Variants in ADGRL3 observed in about 807,000 individuals in gnomAD.
ADGRL3 encodes adhesion G protein-coupled receptor L3.
A neutral mutation model predicts 153.5 loss-of-function variants in ADGRL3; 62 were observed. The ratio of observed to expected loss-of-function variants is 0.40; its 90% CI spans 0.33 to 0.50. The LOEUF (loss-of-function observed/expected upper bound fraction) is 0.50. Ranked by LOEUF, ADGRL3 falls within the 20% of genes least tolerant of loss-of-function variation. The pLI, the probability that ADGRL3 is intolerant of heterozygous loss-of-function variation, is 0.47. For missense variants in ADGRL3, 1,641 were observed against 1,859.4 expected, an observed-to-expected ratio of 0.88 and a Z score of 2.16; for synonymous variants, 710 against 672.5, an observed-to-expected ratio of 1.06 and a Z score of -0.86.
intron 8 of ADGRL3, among the ~76,000 whole-genome samples, chr4:61,757,577 G>T (rs201543967): frequency 6.6e-6 from 1 of 152,054 alleles, no homozygotes; most frequent in African/African-American, 2.4e-5. Flanking sequence ...CCAGCTCCTG[G>T]ATTCATTGAT....
rs192004999 is a variant in ADGRL3 at position 61,346,057 on chromosome 4, T to C, written c.-239-37067T>C. On this transcript the variant is annotated intron_variant, in intron 1 of 26. Transcript: ENST00000683033. ...GCTCCTGCGCTCACGGCATGTATAA[T>C]TAATAGCTGAAATAGATATAAACAA... Among the ~76,000 whole-genome samples, 31 of 152,204 alleles carry C rather than the reference T, an allele frequency of 2.0e-4. No homozygotes were observed. In the East Asian group the frequency reaches 4.6e-3, roughly 23 times the overall value.
At chr4:61,737,205 G>C (rs2096529274) in intron 8 of ADGRL3, among the ~76,000 whole-genome samples, 1 of 151,968 alleles carries the variant, frequency 6.6e-6, no homozygotes, top group Non-Finnish European at 1.5e-5. Flanking sequence ...TCCTAAATCT[G>C]TAGACCCAAA....
At chr4:61,971,607 G>A (rs1383677297) in intron 17 of ADGRL3, among the ~76,000 whole-genome samples, 5 of 151,842 alleles carry the variant, frequency 3.3e-5, no homozygotes, top group Admixed American at 6.6e-5. Flanking sequence ...GAATAGTGCT[G>A]CAGTAAACAT....
At chr4:61,980,471 ACTCT>A (rs1243017949) in intron 18 of ADGRL3, among the ~76,000 whole-genome samples, 1 of 149,740 alleles carries the variant, frequency 6.7e-6, no homozygotes, top group African/African-American at 2.5e-5. Context: ...AAAAGGTCTC[ACTCT>A]GTCATTCACG....
chr4:61,611,257 A>G (rs1279334304), intron 5 of ADGRL3, among the ~76,000 whole-genome samples: 1 of 152,208 alleles, frequency 6.6e-6, no homozygotes, highest in East Asian at 1.9e-4. Flanking sequence ...CCTTACAGGT[A>G]CTCAAAACAA....
intron 1 of ADGRL3, among the ~76,000 whole-genome samples, chr4:61,346,617 A>G (rs1460847969): frequency 6.6e-6 from 1 of 151,370 alleles, no homozygotes; most frequent in Non-Finnish European, 1.5e-5. Flanking sequence ...AAAATAGAAA[A>G]AAAAAAAAAT....
rs61318359 is a variant in ADGRL3 at position 61,530,389 on chromosome 4, TAA to T, written c.259+12884_259+12885del. Among the ~76,000 whole-genome samples, 144 of 142,532 alleles carry T rather than the reference TAA, an allele frequency of 1.0e-3. 1 individual carries two copies. Among genetic ancestry groups the T allele is most frequent in the African/African-American group, 3.5e-3 (137 of 39,178 alleles). The allele number at this position is 142,532 out of a possible 152,430, so 93.5% of individuals were successfully genotyped here. A position where few individuals can be genotyped will look rare whatever the true frequency, so the allele number is the denominator to read the frequency against. ...CAGAAATTGGGTTTGCTACCCTCCC[TAA>T]AAAAAAAAAAAATCTTCACAGAGTA... On this transcript the variant is annotated intron_variant, in intron 4 of 26. Transcript: ENST00000683033.
intron 23 of ADGRL3, among the ~76,000 whole-genome samples, chr4:62,035,206 C>T (rs563543460): frequency 1.5e-3 from 229 of 151,956 alleles, no homozygotes; most frequent in African/African-American, 5.3e-3. Context: ...GTAGCTAATG[C>T]GAGACTTGGC....
At chr4:61,531,862 T>A (rs1165643585) in intron 4 of ADGRL3, among the ~76,000 whole-genome samples, 1 of 152,192 alleles carries the variant, frequency 6.6e-6, no homozygotes, top group Non-Finnish European at 1.5e-5. Flanking sequence ...CCAGTATAAT[T>A]TTTGTTAGCC....
chr4:61,508,354 G>A (rs185526421), intron 3 of ADGRL3, among the ~76,000 whole-genome samples: 161 of 152,132 alleles, frequency 1.1e-3, no homozygotes, highest in African/African-American at 3.8e-3. Context: ...AAAATGAAAT[G>A]TTTCCCTTTA....
intron 5 of ADGRL3, among the ~76,000 whole-genome samples, chr4:61,594,157 A>C (rs2098980219): frequency 6.6e-6 from 1 of 152,044 alleles, no homozygotes; most frequent in Admixed American, 6.6e-5. Flanking sequence ...CCTTTTAAGT[A>C]TTTCAGTCTG....
chr4:61,221,267 T>C (rs1029187354), intron 1 of ADGRL3, among the ~76,000 whole-genome samples: 4 of 152,138 alleles, frequency 2.6e-5, no homozygotes, highest in Non-Finnish European at 4.4e-5. Context: ...CATAATAAAA[T>C]AGTATAGTTT....
chr4:61,323,642 C>T (rs2095409068), intron 1 of ADGRL3, among the ~76,000 whole-genome samples: 1 of 152,148 alleles, frequency 6.6e-6, no homozygotes, highest in Non-Finnish European at 1.5e-5. Flanking sequence ...TGCTCCAGTT[C>T]CCAAGTTCCT....
intron 17 of ADGRL3, among the ~76,000 whole-genome samples, chr4:61,969,794 G>A (rs921448504): frequency 1.3e-5 from 2 of 152,120 alleles, no homozygotes; most frequent in Non-Finnish European, 2.9e-5. Flanking sequence ...TCAGTAGTCA[G>A]GAGAAAACTT....
chr4:61,341,321 C>T (rs544504522), intron 1 of ADGRL3, among the ~76,000 whole-genome samples: 2 of 151,838 alleles, frequency 1.3e-5, no homozygotes, highest in Non-Finnish European at 2.9e-5. Flanking sequence ...TTTGAGTAAA[C>T]TTTATTAGTA....
chr4:61,821,749 A>G (rs1369141533), intron 9 of ADGRL3, among the ~76,000 whole-genome samples: 1 of 152,188 alleles, frequency 6.6e-6, no homozygotes, highest in East Asian at 1.9e-4. Context: ...GGTTCAACTG[A>G]CACATAATCA....
intron 1 of ADGRL3, among the ~76,000 whole-genome samples, chr4:61,356,305 TTTGA>T (rs1179709075): frequency 1.3e-5 from 2 of 152,034 alleles, no homozygotes; most frequent in Non-Finnish European, 2.9e-5. Flanking sequence ...TTATGCAGGA[TTTGA>T]TTAATTATTT....
intron 21 of ADGRL3, among the ~76,000 whole-genome samples, chr4:61,998,606 G>C (rs902704376): frequency 1.4e-5 from 2 of 147,814 alleles, no homozygotes; most frequent in African/African-American, 5.0e-5. Context: ...ATGGAGTTTC[G>C]TTCTTGTTGC....
chr4:61,667,654 A>C (rs2094846452), intron 5 of ADGRL3, among the ~76,000 whole-genome samples: 1 of 152,316 alleles, frequency 6.6e-6, no homozygotes, highest in South Asian at 2.1e-4. Context: ...ATGCTTTAAA[A>C]GTTTACCTTT....
Sources: allele counts gnomAD v4.1 joint callset (sites outside exome capture counted in the v4.1 genomes callset), GRCh38; gene constraint gnomAD v4.1.1; transcripts MANE v1.5; gene names NCBI Gene and HGNC (gene_info 2026-07-23, HGNC 2026-07-21).